Variants in RBFOX1 observed in about 807,000 individuals in gnomAD.
RBFOX1 encodes RNA binding protein fox-1 homolog 1.
RBFOX1 carries 8 observed loss-of-function variants against 57.7 expected under a neutral mutation model. That is an observed-to-expected ratio of 0.14 (90% confidence interval 0.08 to 0.25). The LOEUF (loss-of-function observed/expected upper bound fraction) is 0.25, where lower values mean the gene tolerates loss of function less well. Among genes scored for constraint, RBFOX1 ranks in the 10% least tolerant of loss-of-function variants. The pLI is 1.00. For synonymous variants in RBFOX1, 326 were observed against 222.4 expected (o/e 1.47, Z -4.15); for missense variants, 611 against 548.5 (o/e 1.11, Z -1.14).
intron 2 of RBFOX1, among the ~76,000 whole-genome samples, chr16:6,546,689 T>C (rs1165933472): frequency 6.6e-6 from 1 of 152,102 alleles, no homozygotes; most frequent in East Asian, 1.9e-4. Context: ...GTAGATTCTT[T>C]TTGCAAACAA....
At chr16:7,431,712 C>G (rs2098682148) in intron 4 of RBFOX1, among the ~76,000 whole-genome samples, 1 of 152,208 alleles carries the variant, frequency 6.6e-6, no homozygotes, top group African/African-American at 2.4e-5. Context: ...ATTCTGTCCT[C>G]TCCTTAGCCT....
chr16:7,367,499 G>GT (rs1385417266), intron 4 of RBFOX1, among the ~76,000 whole-genome samples: 1 of 152,168 alleles, frequency 6.6e-6, no homozygotes, highest in African/African-American at 2.4e-5. Context: ...GGAAAGAGAA[G>GT]TGACCCTCTG....
intron 4 of RBFOX1, among the ~76,000 whole-genome samples, chr16:5,990,003 T>A (rs2152318346): frequency 6.6e-6 from 1 of 152,246 alleles, no homozygotes; most frequent in East Asian, 1.9e-4. Flanking sequence ...TTTTGTTTGT[T>A]GGTTAGAGAC....
At chr16:6,996,423 A>T (rs1203000900) in intron 3 of RBFOX1, among the ~76,000 whole-genome samples, 2 of 152,152 alleles carry the variant, frequency 1.3e-5, no homozygotes, top group Non-Finnish European at 2.9e-5. Flanking sequence ...CTGGATACAC[A>T]TCTAGATGTG....
chr16:6,119,309 A>T lies in RBFOX1; in HGVS notation c.-127+99317A>T, dbSNP rs77125366. Among the ~76,000 whole-genome samples, 9 of 152,166 alleles carry T rather than the reference A, an allele frequency of 5.9e-5. No homozygotes were observed. The East Asian group carries it at 1.4e-3, about 23-fold the overall frequency. Reference sequence around the variant, plus strand: ...CTGCTGTTTGACCCTGAGTAGAATGAATTTATGTGTTCTTGGAAGGGATGC... The same window carrying T: ...CTGCTGTTTGACCCTGAGTAGAATGTATTTATGTGTTCTTGGAAGGGATGC... On this transcript the variant is annotated intron_variant, in intron 1 of 15. Transcript: ENST00000550418.
chr16:5,797,083 T>C (rs989563663), intron 3 of RBFOX1, among the ~76,000 whole-genome samples: 1 of 152,130 alleles, frequency 6.6e-6, no homozygotes, highest in African/African-American at 2.4e-5. Context: ...GACTGGTAGA[T>C]GGGGATGGTG....
Position 7,005,399 on chromosome 16 carries a change from C to T in RBFOX1, c.-15-46658C>T, listed in dbSNP as rs566202852. Among the ~76,000 whole-genome samples the T allele has an allele frequency of 5.3e-5, 8 of 152,256 alleles. No homozygotes were observed. The South Asian group carries it at 1.2e-3, about 24-fold the overall frequency. On this transcript the variant is annotated intron_variant, in intron 3 of 15. Coordinates refer to ENST00000550418, the MANE Select transcript of RBFOX1 (RefSeq NM_018723.4). ...GGGATGGCAAGGAAACATCCCAATACAGTCAGTATTTCTTGTGGAAGGACA... is the reference window on the plus strand; with the variant it reads ...GGGATGGCAAGGAAACATCCCAATATAGTCAGTATTTCTTGTGGAAGGACA...
In RBFOX1 at chr16:7,081,952, C is replaced by G. The variant is rs75637205; in HGVS notation, c.27+29854C>G. Among the ~76,000 whole-genome samples the G allele has an allele frequency of 6.4e-4, 97 of 152,252 alleles. 2 individuals are homozygous for G. In the East Asian group the frequency reaches 0.017, roughly 27 times the overall value. On this transcript the variant is annotated intron_variant, in intron 4 of 15. Coordinates refer to ENST00000550418, the MANE Select transcript of RBFOX1 (RefSeq NM_018723.4). ...GGAGTTTCTCCTAAAGGAGAAGAAT[C>G]TGTGCTTGCTCCTGTGGCCACAGAG...
chr16:7,238,126 C>A (rs143719427), intron 4 of RBFOX1, among the ~76,000 whole-genome samples: 4 of 152,054 alleles, frequency 2.6e-5, no homozygotes, highest in African/African-American at 9.7e-5. Flanking sequence ...TATGAGGTGC[C>A]CATAGTTGTC....
intron 2 of RBFOX1, among the ~76,000 whole-genome samples, chr16:6,600,548 G>C (rs546858949): frequency 1.3e-4 from 20 of 152,190 alleles, no homozygotes; most frequent in Non-Finnish European, 2.6e-4. Context: ...ACGCTGTGGT[G>C]ATTATAAGAT....
intron 1 of RBFOX1, among the ~76,000 whole-genome samples, chr16:5,378,363 A>G (rs1348023186): frequency 2.0e-5 from 3 of 151,494 alleles, no homozygotes; most frequent in Non-Finnish European, 4.4e-5. Context: ...ACCTGCATCC[A>G]TAGTTGCCAT....
intron 5 of RBFOX1, among the ~76,000 whole-genome samples, chr16:7,561,521 A>G (rs1326692427): frequency 2.0e-5 from 3 of 152,236 alleles, no homozygotes; most frequent in Non-Finnish European, 2.9e-5. Context: ...GTCAATTTGC[A>G]GAAATTGTGC....
intron 3 of RBFOX1, among the ~76,000 whole-genome samples, chr16:6,882,797 G>T (rs537163511): frequency 1.2e-4 from 18 of 151,834 alleles, no homozygotes; most frequent in Non-Finnish European, 2.2e-4. Flanking sequence ...TGGCATTCCT[G>T]GGGGGTATCA....
At chr16:5,301,487 C>T (rs1158360236) in intron 1 of RBFOX1, among the ~76,000 whole-genome samples, 1 of 151,970 alleles carries the variant, frequency 6.6e-6, no homozygotes, top group Non-Finnish European at 1.5e-5. Flanking sequence ...AGTGTGGTGG[C>T]AGGCGCCTGT....
At chr16:5,874,575 A>G (rs2057558429) in intron 4 of RBFOX1, among the ~76,000 whole-genome samples, 1 of 152,160 alleles carries the variant, frequency 6.6e-6, no homozygotes, top group Admixed American at 6.5e-5. Context: ...AAGGAGAAGG[A>G]AGATAAATTG....
chr16:6,766,714 C>A (rs911450785), intron 3 of RBFOX1, among the ~76,000 whole-genome samples: 1 of 151,978 alleles, frequency 6.6e-6, no homozygotes, highest in Admixed American at 6.6e-5. Flanking sequence ...TCTAGAGCCT[C>A]TTCTGAATGT....
intron 1 of RBFOX1, among the ~76,000 whole-genome samples, chr16:5,280,185 G>A (rs9934864): frequency 0.32 from 48,691 of 151,998 alleles, 7,812 homozygotes; most frequent in Non-Finnish European, 0.33. Context: ...TGCATCTGCT[G>A]AGATGATCAG....
intron 1 of RBFOX1, among the ~76,000 whole-genome samples, chr16:6,109,756 G>A (rs2096422788): frequency 6.6e-6 from 1 of 152,158 alleles, no homozygotes; most frequent in South Asian, 2.1e-4. Flanking sequence ...TTTAAGGGCA[G>A]CTGAAATGCC....
chr16:7,345,181 C>G (rs1455279076), intron 4 of RBFOX1, among the ~76,000 whole-genome samples: 1 of 152,228 alleles, frequency 6.6e-6, no homozygotes, highest in Non-Finnish European at 1.5e-5. Context: ...AACACACATT[C>G]TCTGTCAAAC....
Sources: gnomAD v4.1 joint callset for allele counts (sites outside exome capture counted in the v4.1 genomes callset) on GRCh38, gnomAD v4.1.1 for gene constraint, MANE v1.5 for transcripts, NCBI Gene and HGNC (gene_info 2026-07-23, HGNC 2026-07-21) for gene names.